The following NR2C2 variants were observed in gnomAD, a reference collection of about 807,000 sequenced individuals.
NR2C2 encodes Nuclear hormone receptor TR4.
Under a neutral mutation model 62.9 loss-of-function variants are expected in NR2C2, and 6 were observed. The observed-to-expected ratio is 0.10, with a 90% CI of 0.05 to 0.19. NR2C2 has a LOEUF of 0.19. NR2C2 is among the 10% of genes least tolerant of loss of function. The pLI, the probability that NR2C2 is intolerant of heterozygous loss-of-function variation, is 1.00. For synonymous variants in NR2C2, 272 were observed against 273.8 expected (o/e 0.99, Z 0.07); for missense variants, 479 against 762.7 (o/e 0.63, Z 4.38).
intron 1 of NR2C2, among the ~76,000 whole-genome samples, chr3:14,995,499 G>C (rs1244904936): frequency 1.3e-5 from 2 of 152,060 alleles, no homozygotes; most frequent in Non-Finnish European, 2.9e-5. Flanking sequence ...CCATGTTGTA[G>C]CATGTACCAG....
At chr3:14,982,566 T>TAA (rs1467932499) in intron 1 of NR2C2, among the ~76,000 whole-genome samples, 3 of 152,254 alleles carry the variant, frequency 2.0e-5, no homozygotes, top group African/African-American at 7.2e-5. Context: ...CAATGTTTTA[T>TAA]GTTCTATGAT....
chr3:14,979,318 A>G lies in NR2C2; in HGVS notation c.-39-24558A>G, dbSNP rs577230964. 5.3e-4 allele frequency among the ~76,000 whole-genome samples: 81 copies of G among 152,354 alleles called. 1 individual carries two copies. The South Asian group carries it at 0.016, about 30-fold the overall frequency. On this transcript the variant is annotated intron_variant, in intron 1 of 13. Transcript: ENST00000425241. ...TGAAATTGTTCATTGATGGACTGCAAGGTATTCCAGAAATATTTCATTAAT... is the reference window on the plus strand; with the variant it reads ...TGAAATTGTTCATTGATGGACTGCAGGGTATTCCAGAAATATTTCATTAAT...
At chr3:14,991,762 CTTTTTCTTTT>C (rs2040678199) in intron 1 of NR2C2, among the ~76,000 whole-genome samples, 50 of 117,062 alleles carry the variant, frequency 4.3e-4, no homozygotes, top group Non-Finnish European at 1.6e-4. Context: ...TTTTTTTTTT[CTTTTTCTTTT>C]TTTTTTTTTT....
intron 1 of NR2C2, among the ~76,000 whole-genome samples, chr3:14,989,924 C>CAA (rs34980642): frequency 0.011 from 570 of 50,970 alleles, 29 homozygotes; most frequent in East Asian, 0.07. Context: ...GACTCCATCT[C>CAA]AAAAAAAAAA....
rs2042539840 is a variant in NR2C2, at chr3:15,048,627, T to G, written c.*5619T>G. ...AAAATGGCTTTTCTTTAGGAAAGTA[T>G]AATCAATTATTTTAATGACCATAGC... is the stretch of plus-strand genomic sequence containing the variant. On this transcript the variant is annotated 3_prime_UTR_variant, in exon 14 of 14. Transcript: ENST00000425241. 1 of 152,628 alleles carries G rather than the reference T, an allele frequency of 6.6e-6. No homozygotes were observed. Among genetic ancestry groups the G allele is most frequent in the Admixed American group, 6.5e-5 (1 of 15,280 alleles). 9.5% of individuals were successfully genotyped at this position (152,628 alleles called of 1,614,324 possible). A position where few individuals can be genotyped will look rare whatever the true frequency, so the allele number is the denominator to read the frequency against.
intron 4 of NR2C2, among the ~76,000 whole-genome samples, chr3:15,016,868 T>C (rs2041524264): frequency 6.6e-6 from 1 of 152,208 alleles, no homozygotes; most frequent in Non-Finnish European, 1.5e-5. Context: ...GCTTCTGTGA[T>C]TACGATTGGG....
intron 1 of NR2C2, among the ~76,000 whole-genome samples, chr3:14,994,447 T>TG (rs2040762455): frequency 7.1e-6 from 1 of 140,252 alleles, no homozygotes; most frequent in African/African-American, 2.7e-5. Context: ...TTCTTTTTTT[T>TG]TTTTTTTTTT....
In NR2C2 at chr3:15,032,873, T is replaced by C. The variant is rs978696574; in HGVS notation, c.1232+373T>C. ...TAATAAGGTGAATGTGAATCAGCTG[T>C]TTCCTCAAACATGGATTTACAATCT... On this transcript the variant is annotated intron_variant, in intron 10 of 13. Transcript: ENST00000425241. 2.6e-5 allele frequency among the ~76,000 whole-genome samples: 4 copies of C among 152,102 alleles called. No homozygotes were observed. In the East Asian group the frequency reaches 7.7e-4, roughly 29 times the overall value.
chr3:15,010,322 G>A (rs1267429820), intron 2 of NR2C2, among the ~76,000 whole-genome samples: 1 of 151,422 alleles, frequency 6.6e-6, no homozygotes, highest in Admixed American at 6.6e-5. Context: ...CTCTCTAAAT[G>A]GAGGATACGG....
intron 1 of NR2C2, among the ~76,000 whole-genome samples, chr3:15,002,645 C>CTTTTTTTTTTTT (rs371981775): frequency 2.5e-5 from 1 of 39,484 alleles, no homozygotes; most frequent in African/African-American, 8.6e-5. Context: ...TCACAATATA[C>CTTTTTTTTTTTT]TTTTTTTTTT....
intron 13 of NR2C2, among the ~76,000 whole-genome samples, chr3:15,041,462 A>T (rs2042263039): frequency 6.6e-6 from 1 of 152,244 alleles, no homozygotes; most frequent in Admixed American, 6.5e-5. Context: ...CCTGCATAGT[A>T]TGAATACATT....
At chr3:14,986,475 T>C (rs1173478975) in intron 1 of NR2C2, among the ~76,000 whole-genome samples, 1 of 152,142 alleles carries the variant, frequency 6.6e-6, no homozygotes, top group Non-Finnish European at 1.5e-5. Flanking sequence ...GGAGGAGTTA[T>C]TAAGAAGGAG....
chr3:14,974,744 C>T (rs1320929612), intron 1 of NR2C2, among the ~76,000 whole-genome samples: 1 of 151,880 alleles, frequency 6.6e-6, no homozygotes, highest in Non-Finnish European at 1.5e-5. Flanking sequence ...GCTGGGATTA[C>T]AGGTATGTGC....
At chr3:14,988,437 C>T (rs1244215657) in intron 1 of NR2C2, among the ~76,000 whole-genome samples, 2 of 152,198 alleles carry the variant, frequency 1.3e-5, no homozygotes, top group Non-Finnish European at 2.9e-5. Context: ...CTGATAAAGC[C>T]ATTTCTATAT....
intron 1 of NR2C2, among the ~76,000 whole-genome samples, chr3:14,990,381 G>T (rs1295913179): frequency 2.0e-5 from 3 of 152,214 alleles, no homozygotes; most frequent in Non-Finnish European, 4.4e-5. Context: ...TTCCCTAGAA[G>T]CAATTAGTCA....
chr3:15,016,716 G>C (rs970356804), intron 4 of NR2C2, among the ~76,000 whole-genome samples: 2 of 152,180 alleles, frequency 1.3e-5, no homozygotes, highest in African/African-American at 4.8e-5. Context: ...GTCAGGAAAG[G>C]CCCCACAGAG....
At chr3:15,022,758 G>A (rs1212574249) in intron 5 of NR2C2, among the ~76,000 whole-genome samples, 7 of 152,142 alleles carry the variant, frequency 4.6e-5, no homozygotes, top group Non-Finnish European at 1.0e-4. Context: ...GGGCACGGTG[G>A]CTTATGCCTG....
intron 8 of NR2C2, among the ~76,000 whole-genome samples, chr3:15,029,109 C>CTTTTTTT (rs200667224): frequency 8.1e-6 from 1 of 123,880 alleles, no homozygotes; most frequent in Non-Finnish European, 1.6e-5. Context: ...TTTCTTTTTT[C>CTTTTTTT]TTTTTTTTTT....
At chr3:15,019,303 C>T (rs1479220545) in intron 4 of NR2C2, among the ~76,000 whole-genome samples, 1 of 152,056 alleles carries the variant, frequency 6.6e-6, no homozygotes, top group Non-Finnish European at 1.5e-5. Flanking sequence ...AAAGGGAACA[C>T]TTACACATTG....
Sources: gnomAD v4.1 joint callset for allele counts (sites outside exome capture counted in the v4.1 genomes callset) on GRCh38, gnomAD v4.1.1 for gene constraint, MANE v1.5 for transcripts, NCBI Gene and HGNC (gene_info 2026-07-23, HGNC 2026-07-21) for gene names.